Variants in NPPC observed in about 807,000 individuals in gnomAD.
NPPC encodes natriuretic peptide C.
A neutral mutation model predicts 10.2 loss-of-function variants in NPPC; 4 were observed. The ratio of observed to expected loss-of-function variants is 0.39; its 90% CI spans 0.19 to 0.90. The LOEUF (loss-of-function observed/expected upper bound fraction) is 0.90, where lower values mean the gene tolerates loss of function less well. Ranked by LOEUF, NPPC falls within the 40% of genes least tolerant of loss-of-function variation. NPPC has a pLI of 0.37. For synonymous variants in NPPC, 83 were observed against 87.3 expected, an observed-to-expected ratio of 0.95 and a Z score of 0.27; for missense variants, 182 against 173.8, an observed-to-expected ratio of 1.05 and a Z score of -0.26.
At chr2:231,924,970 A>G (rs1374257069) in intron 2 of NPPC, among the ~76,000 whole-genome samples, 1 of 152,156 alleles carries the variant, frequency 6.6e-6, no homozygotes, top group Non-Finnish European at 1.5e-5. Flanking sequence ...GTGCCAGCAG[A>G]GGGCTACTCT....
intron 1 of NPPC, 23 bp downstream of exon 1, chr2:231,926,137 G>A: frequency 2.4e-6 from 3 of 1,275,482 alleles, no homozygotes; most frequent in Non-Finnish European, 2.0e-6. Context: ...TCCCAGGCTC[G>A]GCGTCCCCAC....
At chr2:231,925,269 T>A in intron 2 of NPPC, 136 bp downstream of exon 2, 1 of 674,134 alleles carries the variant, frequency 1.5e-6, no homozygotes, top group Non-Finnish European at 2.2e-6. Context: ...GTCTGTAAAG[T>A]GGGATAATAA....
chr2:231,926,170 GC>G lies in NPPC; in HGVS notation c.79del (p.Ala27ArgfsTer95). On this transcript the variant is annotated frameshift_variant, in exon 1 of 3. Transcript: ENST00000409852. LOFTEE classifies it high-confidence loss of function. ...SLRPSEAKPGAPPKVPRTPPA... is the reference protein window; with the variant it reads ...SLRPSEAKPGXPPKVPRTPPA... Reference sequence around the variant, plus strand: ...CACGACAGCACCCACCTTCGGCGGCGCCCCGGGCTTGGCTTCGGAGGGCCGG... The same window carrying G: ...CACGACAGCACCCACCTTCGGCGGCGCCCGGGCTTGGCTTCGGAGGGCCGG... 2 of 1,298,482 alleles carry G rather than the reference GC, an allele frequency of 1.5e-6. No individual in the cohort carries two copies. Among genetic ancestry groups the G allele is most frequent in the Middle Eastern group, 2.0e-4 (1 of 4,996 alleles). The allele number at this position is 1,298,482 out of a possible 1,614,324, so 80.4% of individuals were successfully genotyped here.
chr2:231,924,252 C>T (rs1471438260), intron 2 of NPPC, among the ~76,000 whole-genome samples: 1 of 152,224 alleles, frequency 6.6e-6, no homozygotes, highest in East Asian at 1.9e-4. Context: ...GCACTTCGCC[C>T]TTAAGCTGTT....
Position 231,926,232 on chromosome 2 carries a change from C to T in NPPC, c.18G>A (p.Leu6=). 7.6e-7 allele frequency: 1 copy of T among 1,321,982 alleles called. No homozygotes were observed. The highest frequency in any genetic ancestry group is 9.7e-7 in the Non-Finnish European group (1 of 1,032,824). 81.9% of individuals were successfully genotyped at this position (1,321,982 alleles called of 1,614,324 possible). The change falls in exon 1 of 3, where the codon CTG becomes CTA. Residue 6 remains leucine (L), a synonymous_variant. Coordinates refer to ENST00000409852, the MANE Select transcript of NPPC (RefSeq NM_024409.4). The part of the protein sequence containing the change: MHLSQ[L]LACALLLTLL... ...GCGTGAGCAGCAGGGCGCAGGCCAG[C>T]AGCTGGGAGAGATGCATGGTGCCGC...
chr2:231,925,339 A>G, intron 2 of NPPC, 66 bp downstream of exon 2: 1 of 1,348,136 alleles, frequency 7.4e-7, no homozygotes, highest in Non-Finnish European at 9.6e-7. Context: ...GCGCCTCCGA[A>G]GGCCGGCTGG....
At position 231,926,260 on chromosome 2, in the gene NPPC, G is replaced by A. The variant is rs1692007480; in HGVS notation, c.-11C>T. The A allele has an allele frequency of 4.7e-6, 6 of 1,287,416 alleles. No individual in the cohort carries two copies. In the East Asian group the frequency reaches 1.9e-4, roughly 40 times the overall value. 79.7% of individuals were successfully genotyped at this position (1,287,416 alleles called of 1,614,324 possible). A position where few individuals can be genotyped will look rare whatever the true frequency, so the allele number is the denominator to read the frequency against. The stretch of plus-strand genomic sequence containing the variant: ...CTGGGAGAGATGCATGGTGCCGCTG[G>A]GGTCGAGGGGCGCACACGGGCGGCA... On this transcript the variant is annotated 5_prime_UTR_variant, in exon 1 of 3. Coordinates refer to ENST00000409852, the MANE Select transcript of NPPC (RefSeq NM_024409.4).
rs981198449 is a variant in NPPC, at chr2:231,922,004, T to C, written c.*332A>G. On this transcript the variant is annotated 3_prime_UTR_variant, in exon 3 of 3. Transcript: ENST00000409852. Reference sequence around the variant, plus strand: ...TGACATGAATTTACAAACAGCAATGTTTTACAGCTGGTTCTGTCAGTCTCT... The same window carrying C: ...TGACATGAATTTACAAACAGCAATGCTTTACAGCTGGTTCTGTCAGTCTCT... 3 of 151,680 alleles carry C rather than the reference T, an allele frequency of 2.0e-5. No individual in the cohort carries two copies. Among genetic ancestry groups the C allele is most frequent in the African/African-American group, 7.3e-5 (3 of 41,372 alleles). The allele number at this position is 151,680 out of a possible 1,614,324, so 9.4% of individuals were successfully genotyped here.
chr2:231,925,370 G>C, intron 2 of NPPC, 35 bp downstream of exon 2: 5 of 1,465,496 alleles, frequency 3.4e-6, no homozygotes, highest in Non-Finnish European at 4.5e-6. Context: ...GTCCCGGGCC[G>C]GGCTGGGGCT....
intron 1 of NPPC, 91 bp from the exon 2 acceptor site, chr2:231,925,806 G>A (rs1691998912): frequency 1.5e-6 from 2 of 1,375,874 alleles, no homozygotes; most frequent in Non-Finnish European, 9.4e-7. Flanking sequence ...GCCGGCGCGG[G>A]GTGTCCCTCC....
chr2:231,926,391 C>T lies in NPPC; in HGVS notation c.-142G>A, dbSNP rs992912083. ...AGTGCTGCGCGGCGCCGGCTGGGTG[C>T]GCTCTGAGCCCGTGACTCTGCTCGC... On this transcript the variant is annotated 5_prime_UTR_variant, in exon 1 of 3. Transcript: ENST00000409852. 6.8e-6 allele frequency: 3 copies of T among 444,216 alleles called. No individual in the cohort carries two copies. The highest frequency in any genetic ancestry group is 4.1e-5 in the African/African-American group (2 of 49,314). 27.5% of individuals were successfully genotyped at this position (444,216 alleles called of 1,614,324 possible). A position where few individuals can be genotyped will look rare whatever the true frequency, so the allele number is the denominator to read the frequency against.
At chr2:231,925,772 C>A in intron 1 of NPPC, 57 bp from the exon 2 acceptor site, 1 of 1,445,824 alleles carries the variant, frequency 6.9e-7, no homozygotes, top group Non-Finnish European at 9.1e-7. Flanking sequence ...ACGGGGGACT[C>A]TGATGCTCCA....
intron 2 of NPPC, among the ~76,000 whole-genome samples, chr2:231,922,744 A>G (rs1691947131): frequency 6.6e-6 from 1 of 152,194 alleles, no homozygotes; most frequent in African/African-American, 2.4e-5. Context: ...CAGGATCAGG[A>G]ATCCTGGGCT....
chr2:231,925,160 T>A (rs1050922105), intron 2 of NPPC, among the ~76,000 whole-genome samples: 1 of 152,238 alleles, frequency 6.6e-6, no homozygotes, highest in African/African-American at 2.4e-5. Flanking sequence ...CCACCAAGCC[T>A]GTTTCTGCTT....
chr2:231,925,269 TG>T, intron 2 of NPPC, 135 bp downstream of exon 2: 2 of 674,134 alleles, frequency 3.0e-6, no homozygotes, highest in Non-Finnish European at 4.5e-6. Flanking sequence ...GTCTGTAAAG[TG>T]GGATAATAAA....
intron 1 of NPPC, 135 bp downstream of exon 1, chr2:231,926,025 C>T (rs991711701): frequency 4.1e-6 from 3 of 729,746 alleles, no homozygotes; most frequent in Middle Eastern, 2.6e-4. Flanking sequence ...GAGGGCTCCC[C>T]GGCTCTCGCC....
intron 2 of NPPC, among the ~76,000 whole-genome samples, chr2:231,924,433 C>A (rs1029994473): frequency 1.3e-5 from 2 of 152,200 alleles, no homozygotes; most frequent in Non-Finnish European, 2.9e-5. Context: ...ATGGGACAGT[C>A]AAGGTGTGGG....
Position 231,923,224 on chromosome 2 carries a change from C to T in NPPC, c.*21-909G>A, listed in dbSNP as rs573195498. On this transcript the variant is annotated intron_variant, in intron 2 of 2. Coordinates refer to ENST00000409852, the MANE Select transcript of NPPC (RefSeq NM_024409.4). ...CTCTGCCGTGAGTTTACACAGATGA[C>T]AGCTGTCTGTGATGTTGCTGGGCCC... Among the ~76,000 whole-genome samples, 14 of 152,326 alleles carry T rather than the reference C, an allele frequency of 9.2e-5. No homozygotes were observed. The South Asian group carries it at 1.2e-3, about 14-fold the overall frequency.
Position 231,926,354 on chromosome 2 carries a change from G to C in NPPC, c.-105C>G, listed in dbSNP as rs1209515764. 2.9e-6 allele frequency: 2 copies of C among 699,236 alleles called. No homozygotes were observed. The highest frequency in any genetic ancestry group is 4.0e-6 in the Non-Finnish European group (2 of 499,496). 43.3% of individuals were successfully genotyped at this position (699,236 alleles called of 1,614,324 possible). On this transcript the variant is annotated 5_prime_UTR_variant, in exon 1 of 3. Transcript: ENST00000409852. The stretch of plus-strand genomic sequence containing the variant: ...GAGCAGGCTGGCTGGGCTGCAGGGC[G>C]AGCAGGGTCCCAGTGCTGCGCGGCG...
Sources: allele counts gnomAD v4.1 joint callset (sites outside exome capture counted in the v4.1 genomes callset), GRCh38; gene constraint gnomAD v4.1.1; transcripts MANE v1.5; gene names NCBI Gene and HGNC (gene_info 2026-07-23, HGNC 2026-07-21).